The following GFOD2 variants were observed in gnomAD, a reference collection of about 807,000 sequenced individuals.
GFOD2 encodes the protein glucose-fructose oxidoreductase domain-containing protein 2.
GFOD2 carries 9 observed loss-of-function variants against 24.6 expected under a neutral mutation model. The ratio of observed to expected loss-of-function variants is 0.37; its 90% CI spans 0.22 to 0.64. GFOD2 has a LOEUF of 0.64. GFOD2 is among the 30% of genes least tolerant of loss of function. The probability of loss-of-function intolerance (pLI) is 0.65; values close to 1 mark genes in which losing one functional copy is unlikely to be tolerated. For missense variants in GFOD2, 476 were observed against 532.5 expected (o/e 0.89, Z 1.04); for synonymous variants, 211 against 224.8 (o/e 0.94, Z 0.55).
rs143987058 is a variant in GFOD2 at position 67,678,350 on chromosome 16, C to T, written c.260-2297G>A. Among the ~76,000 whole-genome samples the T allele has an allele frequency of 6.3e-3, 964 of 152,218 alleles. 15 individuals are homozygous for T. Among genetic ancestry groups the T allele is most frequent in the African/African-American group, 0.022 (922 of 41,550 alleles). ...AATTCGCTGGGCGTGGTGGCACATG[C>T]CTGTAATCCCAGCTACTCGGGAGGC... is the stretch of plus-strand genomic sequence containing the variant. On this transcript the variant is annotated intron_variant, in intron 2 of 2. Coordinates refer to ENST00000268797, the MANE Select transcript of GFOD2 (RefSeq NM_030819.4).
At chr16:67,689,092 T>C (rs1422392816) in intron 1 of GFOD2, among the ~76,000 whole-genome samples, 4 of 149,776 alleles carry the variant, frequency 2.7e-5, no homozygotes, top group Admixed American at 2.0e-4. Flanking sequence ...CAGGCTGGAG[T>C]GCAGTGGCGC....
intron 1 of GFOD2, among the ~76,000 whole-genome samples, chr16:67,713,404 G>T (rs954859369): frequency 3.3e-5 from 5 of 152,086 alleles, no homozygotes; most frequent in African/African-American, 1.2e-4. Context: ...CAATTCTGAC[G>T]ATATCTACCT....
intron 1 of GFOD2, among the ~76,000 whole-genome samples, chr16:67,717,554 G>A (rs1027946624): frequency 3.3e-5 from 5 of 152,190 alleles, no homozygotes; most frequent in African/African-American, 1.2e-4. Flanking sequence ...ACTTTGGGAG[G>A]CCAAGGCAGG....
At chr16:67,679,237 T>C (rs1208603864) in intron 2 of GFOD2, among the ~76,000 whole-genome samples, 5 of 141,528 alleles carry the variant, frequency 3.5e-5, no homozygotes, top group African/African-American at 1.4e-4. Context: ...TTTTTTTTTC[T>C]TTTTTTTTTT....
At chr16:67,694,320 T>C (rs1340118486) in intron 1 of GFOD2, among the ~76,000 whole-genome samples, 1 of 151,938 alleles carries the variant, frequency 6.6e-6, no homozygotes, top group African/African-American at 2.4e-5. Flanking sequence ...TTTGTAGAGA[T>C]GGGGTCTCAC....
intron 2 of GFOD2, chr16:67,682,867 C>T (rs561819257): frequency 2.0e-6 from 2 of 981,564 alleles, no homozygotes; most frequent in East Asian, 1.1e-4. Flanking sequence ...GCTCTCAATC[C>T]TTCATGTCCA....
intron 1 of GFOD2, among the ~76,000 whole-genome samples, chr16:67,691,348 C>A (rs746980081): frequency 3.9e-5 from 6 of 152,104 alleles, no homozygotes; most frequent in Non-Finnish European, 7.4e-5. Context: ...GCTGGGATTA[C>A]AGGTGCACAC....
In GFOD2 at chr16:67,675,613, A is replaced by C. The variant is rs1272030792; in HGVS notation, c.700T>G (p.Cys234Gly). 6 of 1,613,256 alleles carry C rather than the reference A, an allele frequency of 3.7e-6. No homozygotes were observed. Among genetic ancestry groups the C allele is most frequent in the South Asian group, 1.1e-5 (1 of 91,088 alleles). ...FFQMLMGGGV[C>G]STVTLNFNMP... ...TTGAAGTTGAGTGTCACTGTGCTAC[A>C]CACACCCCCACCCATGAGCATCTGG... Residue 234 changes from cysteine (C) to glycine (G), a missense_variant, in exon 3 of 3, where the codon TGT becomes GGT. Cys to Gly is a radical substitution (Grantham distance 159). Coordinates refer to ENST00000268797, the MANE Select transcript of GFOD2 (RefSeq NM_030819.4).
Position 67,675,066 on chromosome 16 carries a change from GTC to G in GFOD2, c.*87_*88del, listed in dbSNP as rs2053172538. 8 of 1,403,954 alleles carry G rather than the reference GTC, an allele frequency of 5.7e-6. No individual in the cohort carries two copies. Among genetic ancestry groups the G allele is most frequent in the Non-Finnish European group, 7.7e-6 (8 of 1,032,424 alleles). The allele number at this position is 1,403,954 out of a possible 1,614,324, so 87.0% of individuals were successfully genotyped here. A position where few individuals can be genotyped will look rare whatever the true frequency, so the allele number is the denominator to read the frequency against. ...CCAGACTCATTAAATGAAAGACACT[GTC>G]TCTGCTAGGGCCAAGTCCCTGTCAT... is the stretch of plus-strand genomic sequence containing the variant. On this transcript the variant is annotated 3_prime_UTR_variant, in exon 3 of 3. Coordinates refer to ENST00000268797, the MANE Select transcript of GFOD2 (RefSeq NM_030819.4).
intron 1 of GFOD2, among the ~76,000 whole-genome samples, chr16:67,693,537 G>C (rs987389926): frequency 1.3e-5 from 2 of 152,074 alleles, no homozygotes; most frequent in African/African-American, 4.8e-5. Context: ...CTCCCAAATT[G>C]CTGGGATTAC....
At chr16:67,688,077 G>C (rs968293374) in intron 1 of GFOD2, among the ~76,000 whole-genome samples, 4 of 152,138 alleles carry the variant, frequency 2.6e-5, no homozygotes, top group Non-Finnish European at 5.9e-5. Context: ...ACAAGTAATG[G>C]GTTAGATAAA....
chr16:67,709,649 T>C (rs1448214664), intron 1 of GFOD2, among the ~76,000 whole-genome samples: 1 of 152,198 alleles, frequency 6.6e-6, no homozygotes, highest in Non-Finnish European at 1.5e-5. Flanking sequence ...GGAGTCTCAC[T>C]CTGTCACCAG....
chr16:67,680,719 T>G (rs1658765788), intron 2 of GFOD2: 1 of 981,632 alleles, frequency 1.0e-6, no homozygotes, highest in Non-Finnish European at 1.2e-6. Flanking sequence ...ATTGGTAGTC[T>G]ATGACATCAT....
intron 2 of GFOD2, chr16:67,681,708 C>G: frequency 1.1e-5 from 11 of 985,206 alleles, no homozygotes; most frequent in Non-Finnish European, 1.3e-5. Flanking sequence ...TGAGCCCAAC[C>G]CTGAATAACA....
In GFOD2 at chr16:67,709,283, G is replaced by A. The variant is rs1336141219; in HGVS notation, c.-88+9880C>T. 3.3e-5 allele frequency among the ~76,000 whole-genome samples: 5 copies of A among 151,862 alleles called. No individual in the cohort carries two copies. In the East Asian group the frequency reaches 7.7e-4, roughly 23 times the overall value. On this transcript the variant is annotated intron_variant, in intron 1 of 2. Transcript: ENST00000268797. Reference sequence around the variant, plus strand: ...TGATTGCACCACTGTACTCCAGCCTGGGCAACAGAGCCTATCTCAAAAGAA... The same window carrying A: ...TGATTGCACCACTGTACTCCAGCCTAGGCAACAGAGCCTATCTCAAAAGAA...
Position 67,691,066 on chromosome 16 carries a change from G to A in GFOD2, c.-87-5264C>T, listed in dbSNP as rs570005219. On this transcript the variant is annotated intron_variant, in intron 1 of 2. Transcript: ENST00000268797. ...TTTAGTAGAGATGGGGTTTCACCATGTTGGCCAGGCTGGTCTTAAACTCCT... is the reference window on the plus strand; with the variant it reads ...TTTAGTAGAGATGGGGTTTCACCATATTGGCCAGGCTGGTCTTAAACTCCT... Among the ~76,000 whole-genome samples, 48 of 152,274 alleles carry A rather than the reference G, an allele frequency of 3.2e-4. 1 individual carries two copies. The South Asian group carries it at 9.5e-3, about 30-fold the overall frequency.
intron 1 of GFOD2, among the ~76,000 whole-genome samples, chr16:67,693,263 GCCA>G (rs762329658): frequency 2.5e-4 from 37 of 150,738 alleles, no homozygotes; most frequent in Admixed American, 8.6e-4. Context: ...TTTCAAATTA[GCCA>G]CCACACCTGG....
intron 1 of GFOD2, among the ~76,000 whole-genome samples, chr16:67,705,877 T>C (rs1007328891): frequency 6.8e-6 from 1 of 146,370 alleles, no homozygotes; most frequent in Non-Finnish European, 1.5e-5. Flanking sequence ...GAGGCGGAGG[T>C]TGCAGTGAGC....
intron 1 of GFOD2, among the ~76,000 whole-genome samples, chr16:67,705,009 A>T (rs1374763386): frequency 6.6e-6 from 1 of 152,168 alleles, no homozygotes; most frequent in Non-Finnish European, 1.5e-5. Flanking sequence ...GACCCGTGGG[A>T]TGTAATTCAA....
Sources: allele counts gnomAD v4.1 joint callset (sites outside exome capture counted in the v4.1 genomes callset), GRCh38; gene constraint gnomAD v4.1.1; transcripts MANE v1.5; gene names NCBI Gene and HGNC (gene_info 2026-07-23, HGNC 2026-07-21).